The following TFAP4 variants were observed in gnomAD, a reference collection of about 807,000 sequenced individuals.
TFAP4 encodes the protein activating enhancer-binding protein 4.
In TFAP4, 7 loss-of-function variants were observed where a neutral mutation model predicts 40.4. The observed-to-expected ratio is 0.17, with a 90% CI of 0.10 to 0.33. The LOEUF is 0.33. TFAP4 is among the 10% of genes least tolerant of loss of function. The pLI is 1.00. For synonymous variants in TFAP4, 218 were observed against 181.4 expected (o/e 1.20, Z -1.62); for missense variants, 374 against 451.1 (o/e 0.83, Z 1.55).
chr16:4,258,992 G>A (rs1441227974), intron 6 of TFAP4, among the ~76,000 whole-genome samples: 1 of 151,804 alleles, frequency 6.6e-6, no homozygotes, highest in Non-Finnish European at 1.5e-5. Flanking sequence ...GGAGGCTGAG[G>A]CAGGAGAATC....
At chr16:4,266,145 C>A (rs1395458811) in intron 1 of TFAP4, 1 of 152,298 alleles carries the variant, frequency 6.6e-6, no homozygotes, top group African/African-American at 2.4e-5. Context: ...ACCACCAGAC[C>A]CCAGTCCCGA....
At chr16:4,271,586 G>T (rs2053041050) in intron 1 of TFAP4, among the ~76,000 whole-genome samples, 2 of 152,208 alleles carry the variant, frequency 1.3e-5, no homozygotes, top group African/African-American at 2.4e-5. Flanking sequence ...TCACCCTTTG[G>T]GTTTAGAGCA....
At position 4,272,776 on chromosome 16, in the gene TFAP4, C is replaced by G. The variant is rs567831994; in HGVS notation, c.-30G>C. 227 of 1,605,044 alleles carry G rather than the reference C, an allele frequency of 1.4e-4. 1 individual carries two copies. In the South Asian group the frequency reaches 2.4e-3, roughly 17 times the overall value. On this transcript the variant is annotated 5_prime_UTR_variant, in exon 1 of 7. Transcript: ENST00000204517. The stretch of plus-strand genomic sequence containing the variant: ...ATCGGCCCCCCTCCTCTGCACGAGC[C>G]AGGTCCCGCGATCAGCCGGAGAATG...
At chr16:4,263,133 C>G (rs2052962811) in intron 1 of TFAP4, 1 of 189,592 alleles carries the variant, frequency 5.3e-6, no homozygotes. Flanking sequence ...GATCACGCCA[C>G]TGCACTTCAG....
chr16:4,266,836 A>C (rs1202837560), intron 1 of TFAP4: 1 of 152,320 alleles, frequency 6.6e-6, no homozygotes, highest in Admixed American at 6.5e-5. Flanking sequence ...GGTGAAAATC[A>C]AAGGTGACCC....
intron 6 of TFAP4, among the ~76,000 whole-genome samples, chr16:4,259,208 A>G (rs2052924562): frequency 6.6e-6 from 1 of 152,036 alleles, no homozygotes; most frequent in African/African-American, 2.4e-5. Flanking sequence ...ATCTCAGCTC[A>G]CTGCAACTTC....
chr16:4,262,223 G>C, intron 3 of TFAP4, 101 bp downstream of exon 3: 4 of 1,333,228 alleles, frequency 3.0e-6, no homozygotes, highest in Non-Finnish European at 4.3e-6. Flanking sequence ...ACTTGTCAGT[G>C]GGCAAGAAGG....
At chr16:4,258,610 C>A in intron 6 of TFAP4, 1 of 172,754 alleles carries the variant, frequency 5.8e-6, no homozygotes, top group South Asian at 1.8e-4. Flanking sequence ...CGAGGGGGTT[C>A]TTGCTATGTT....
At chr16:4,271,408 G>A (rs1017072660) in intron 1 of TFAP4, among the ~76,000 whole-genome samples, 21 of 152,220 alleles carry the variant, frequency 1.4e-4, no homozygotes, top group African/African-American at 4.3e-4. Context: ...GCAGGAAAGG[G>A]GCCACAGGTC....
chr16:4,259,207 C>A (rs1245181229), intron 6 of TFAP4, among the ~76,000 whole-genome samples: 12 of 152,164 alleles, frequency 7.9e-5, no homozygotes, highest in Non-Finnish European at 1.3e-4. Flanking sequence ...AATCTCAGCT[C>A]ACTGCAACTT....
chr16:4,270,116 C>T (rs774505586), intron 1 of TFAP4, among the ~76,000 whole-genome samples: 1 of 151,832 alleles, frequency 6.6e-6, no homozygotes, highest in Non-Finnish European at 1.5e-5. Flanking sequence ...ATCTAGGAGG[C>T]GGAGGTTGCA....
chr16:4,266,346 C>A (rs1159886512), intron 1 of TFAP4: 6 of 152,218 alleles, frequency 3.9e-5, no homozygotes, highest in Admixed American at 3.9e-4. Context: ...TAGTGCTTAA[C>A]TTAGGTTAAG....
chr16:4,262,916 C>A (rs2052961450), intron 1 of TFAP4: 2 of 580,258 alleles, frequency 3.4e-6, no homozygotes, highest in Admixed American at 3.0e-5. Flanking sequence ...GGGCCAGGCA[C>A]AGTAATCCCA....
chr16:4,259,610 GGCTCCTCAAGGGGCCCTGTTCAAGGGT>G (rs1245844112), intron 6 of TFAP4, among the ~76,000 whole-genome samples: 3 of 151,824 alleles, frequency 2.0e-5, no homozygotes, highest in Non-Finnish European at 4.4e-5. Flanking sequence ...TCTGATCTTG[GGCTCCTCAAGGGGCCCTGTTCAAGGGT>G]GAATGCAACT....
intron 1 of TFAP4, chr16:4,262,935 G>C (rs1214479690): frequency 3.6e-6 from 2 of 554,922 alleles, no homozygotes; most frequent in Non-Finnish European, 6.5e-6. Flanking sequence ...CAGTTCTTTG[G>C]GAGGTCAAGG....
chr16:4,270,621 T>G (rs1348344852), intron 1 of TFAP4, among the ~76,000 whole-genome samples: 1 of 152,168 alleles, frequency 6.6e-6, no homozygotes, highest in African/African-American at 2.4e-5. Context: ...CCCTACACCT[T>G]CAAGTCCTTG....
intron 1 of TFAP4, among the ~76,000 whole-genome samples, chr16:4,270,940 C>T (rs2053035351): frequency 2.0e-5 from 3 of 152,246 alleles, no homozygotes; most frequent in Admixed American, 2.0e-4. Flanking sequence ...GTCTCTGTGT[C>T]CGCCTCTTTA....
chr16:4,271,498 C>A (rs1199800958), intron 1 of TFAP4, among the ~76,000 whole-genome samples: 2 of 152,224 alleles, frequency 1.3e-5, no homozygotes, highest in African/African-American at 2.4e-5. Context: ...ATGTCCGGGC[C>A]CCAGCGATCA....
intron 1 of TFAP4, chr16:4,263,783 TG>T (rs939250239): frequency 6.5e-5 from 10 of 152,844 alleles, no homozygotes; most frequent in Non-Finnish European, 1.0e-4. Flanking sequence ...GGCTGCTGGC[TG>T]GGGGCGTGGC....
Sources: gnomAD v4.1 joint callset for allele counts (sites outside exome capture counted in the v4.1 genomes callset) on GRCh38, gnomAD v4.1.1 for gene constraint, MANE v1.5 for transcripts, NCBI Gene and HGNC (gene_info 2026-07-23, HGNC 2026-07-21) for gene names.